Variants in NUBP1 observed in about 807,000 individuals in gnomAD.
NUBP1 encodes the protein NUBP iron-sulfur cluster assembly factor 1, cytosolic, also known as cytosolic Fe-S cluster assembly factor NUBP1.
Under a neutral mutation model 41.8 loss-of-function variants are expected in NUBP1, and 46 were observed. That is an observed-to-expected ratio of 1.10 (90% CI 0.87 to 1.41). The LOEUF is 1.41. NUBP1 is among the 40% of genes most tolerant of loss of function. NUBP1 has a pLI of 0.00. For missense variants in NUBP1, 494 were observed against 414.0 expected, an observed-to-expected ratio of 1.19 and a Z score of -1.68; for synonymous variants, 189 against 154.6, an observed-to-expected ratio of 1.22 and a Z score of -1.65.
intron 9 of NUBP1, among the ~76,000 whole-genome samples, chr16:10,764,043 CCAGCCCAAAGGAGCATCT>C (rs2030448187): frequency 2.0e-5 from 3 of 151,242 alleles, no homozygotes; most frequent in East Asian, 2.0e-4. Flanking sequence ...TGGGAGCATC[CCAGCCCAAAGGAGCATCT>C]CAGCCCACTG....
At chr16:10,754,239 T>TTTTATTTTATTTTATTTTA (rs1900451123) in intron 4 of NUBP1, among the ~76,000 whole-genome samples, 1 of 151,436 alleles carries the variant, frequency 6.6e-6, no homozygotes, top group African/African-American at 2.4e-5. Flanking sequence ...TTTTATTTTA[T>TTTTATTTTATTTTATTTTA]TTTATTTTAT....
chr16:10,761,823 C>A lies in NUBP1; in HGVS notation c.784C>A (p.Pro262Thr). The change falls in exon 9 of 11, where the codon CCT (proline) becomes ACT (threonine). Residue 262 changes from proline (P) to threonine (T), a missense_variant. By Grantham distance (38) the Pro-to-Thr change is conservative. Transcript: ENST00000283027. The stretch of plus-strand genomic sequence containing the variant: ...GCTCATGTGCCAGGACTTGGAGGTC[C>A]CTCTCCTCGGCAGAGTGCCCCTGGA... The part of the protein sequence containing the change: ...AELMCQDLEV[P>T]LLGRVPLDPL... 7 of 1,614,084 alleles carry A rather than the reference C, an allele frequency of 4.3e-6. No homozygotes were observed. Among genetic ancestry groups the A allele is most frequent in the Non-Finnish European group, 5.9e-6 (7 of 1,179,956 alleles).
rs1900509941 is a variant in NUBP1, at chr16:10,755,588, T to A, written c.328-133T>A. On this transcript the variant is annotated intron_variant, in intron 4 of 10. Coordinates refer to ENST00000283027, the MANE Select transcript of NUBP1 (RefSeq NM_002484.4). ...AGCTGTTCACCTCCTTTTAGGAATT[T>A]CGTGGTACCATGTAAGACAATGAAT... 3 of 882,888 alleles carry A rather than the reference T, an allele frequency of 3.4e-6. No homozygotes were observed. The Admixed American group carries it at 7.0e-5, about 21-fold the overall frequency. 54.7% of individuals were successfully genotyped at this position (882,888 alleles called of 1,614,324 possible).
intron 9 of NUBP1, among the ~76,000 whole-genome samples, chr16:10,762,298 C>T (rs577073469): frequency 1.2e-3 from 177 of 152,260 alleles, no homozygotes; most frequent in Admixed American, 4.4e-3. Flanking sequence ...TCTCCAGCAC[C>T]GGGACAGACC....
At chr16:10,746,990 C>G (rs4780323) in intron 2 of NUBP1, among the ~76,000 whole-genome samples, 153 bp from the exon 3 acceptor site, 42,576 of 152,012 alleles carry the variant, frequency 0.28, 6,904 homozygotes, top group East Asian at 0.49. Flanking sequence ...GCACTTATTT[C>G]TACCATTGTC....
At chr16:10,744,339 G>T (rs1044645433) in intron 2 of NUBP1, among the ~76,000 whole-genome samples, 1 of 152,176 alleles carries the variant, frequency 6.6e-6, no homozygotes, top group African/African-American at 2.4e-5. Flanking sequence ...GCGCGGAGTC[G>T]AAAGGGACAT....
At chr16:10,751,297 C>T (rs1345816753) in intron 3 of NUBP1, among the ~76,000 whole-genome samples, 2 of 152,164 alleles carry the variant, frequency 1.3e-5, no homozygotes, top group Non-Finnish European at 2.9e-5. Flanking sequence ...GTGATAGTGT[C>T]ATTTCCCCGT....
At position 10,767,449 on chromosome 16, in the gene NUBP1, G is replaced by A. The variant is rs529814893; in HGVS notation, c.821-500G>A. 3 of 398,718 alleles carry A rather than the reference G, an allele frequency of 7.5e-6. No individual in the cohort carries two copies. The highest frequency in any genetic ancestry group is 7.1e-5 in the East Asian group (2 of 28,018). The allele number at this position is 398,718 out of a possible 1,614,324, so 24.7% of individuals were successfully genotyped here. ...ATGTGTGTGTCATGTGCTCCCATTC[G>A]TATTTTAGGTATATGAGAGTGTGTG... is the stretch of plus-strand genomic sequence containing the variant. On this transcript the variant is annotated intron_variant, in intron 9 of 10. Coordinates refer to ENST00000283027, the MANE Select transcript of NUBP1 (RefSeq NM_002484.4). This position sits in a 1 kb window ranked among gnomAD's most constrained non-coding sequence, Gnocchi z 4.6.
chr16:10,754,488 C>A (rs540420637), intron 4 of NUBP1, among the ~76,000 whole-genome samples: 70 of 151,966 alleles, frequency 4.6e-4, no homozygotes, highest in African/African-American at 1.3e-3. Flanking sequence ...GGTGATCCTC[C>A]CGCCTCAGCC....
Position 10,765,386 on chromosome 16 carries a change from G to T in NUBP1, c.821-2563G>T, listed in dbSNP as rs1452906419. Among the ~76,000 whole-genome samples the T allele has an allele frequency of 6.6e-6, 1 of 151,000 alleles. No individual in the cohort carries two copies. Among genetic ancestry groups the T allele is most frequent in the Admixed American group, 6.6e-5 (1 of 15,124 alleles). On this transcript the variant is annotated intron_variant, in intron 9 of 10. Transcript: ENST00000283027. This position sits in a 1 kb window ranked among gnomAD's most constrained non-coding sequence, Gnocchi z 4.0. ...ACCCAGTGTGGTGGCATGTGCCTGT[G>T]GTCCCAGCTACTCAGGAGGCTGAGT...
chr16:10,744,053 A>C lies in NUBP1; in HGVS notation c.112A>C (p.Thr38Pro), dbSNP rs748563539. Residue 38 changes from threonine (T) to proline (P), a missense_variant, in exon 2 of 11, where the codon ACT becomes CCT. Coordinates refer to ENST00000283027, the MANE Select transcript of NUBP1 (RefSeq NM_002484.4). Reference protein sequence around the residue: ...QRLCASGAGATPDTAIEEIKE... With the variant: ...QRLCASGAGAPPDTAIEEIKE... ...GCTGTGCGCTTCTGGAGCGGGGGCC[A>C]CTCCGGACACGGGTGAGAAAAGGGC... 1.3e-6 allele frequency: 2 copies of C among 1,578,360 alleles called. No individual in the cohort carries two copies. Among genetic ancestry groups the C allele is most frequent in the Non-Finnish European group, 8.6e-7 (1 of 1,167,988 alleles).
rs2030918133 is a variant in NUBP1 at position 10,766,638 on chromosome 16, T to C, written c.821-1311T>C. ...TAACGGCGGAGGATGTCCAGGTTCT[T>C]GGTGTCTGGAACAAAAAATTGGACA... On this transcript the variant is annotated intron_variant, in intron 9 of 10. Coordinates refer to ENST00000283027, the MANE Select transcript of NUBP1 (RefSeq NM_002484.4). This position sits in a 1 kb window ranked among gnomAD's most constrained non-coding sequence, Gnocchi z 4.8. 1.3e-5 allele frequency: 3 copies of C among 237,358 alleles called. No homozygotes were observed. The highest frequency in any genetic ancestry group is 1.8e-4 in the South Asian group (1 of 5,556). The allele number at this position is 237,358 out of a possible 1,614,324, so 14.7% of individuals were successfully genotyped here. A position where few individuals can be genotyped will look rare whatever the true frequency, so the allele number is the denominator to read the frequency against.
rs777610049 is a variant in NUBP1 at position 10,761,414 on chromosome 16, G to A, written c.657G>A (p.Val219=). The A allele has an allele frequency of 2.5e-6, 4 of 1,614,024 alleles. No homozygotes were observed. The African/African-American group carries it at 5.3e-5, about 22-fold the overall frequency. The change falls in exon 8 of 11, where the codon GTG becomes GTA. Residue 219 remains valine, a synonymous_variant. Transcript: ENST00000283027. The part of the protein sequence containing the change: ...VRKEINFCRK[V]KLPIIGVVEN... ...AAGAAATCAACTTCTGCCGCAAGGT[G>A]AAGCTGCCCATCATCGGGGTGGTGG...
chr16:10,762,982 G>A (rs2030233487), intron 9 of NUBP1, among the ~76,000 whole-genome samples: 1 of 151,972 alleles, frequency 6.6e-6, no homozygotes, highest in Admixed American at 6.5e-5. Flanking sequence ...CTGGGATAGG[G>A]GTTCAGGATG....
At position 10,757,557 on chromosome 16, in the gene NUBP1, C is replaced by T. The variant is rs1900641102; in HGVS notation, c.452-316C>T. ...GCCTTTACCCACAAGATGCCAGTAG[C>T]ACCCCCTACTCTATTTGTGACAACC... On this transcript the variant is annotated intron_variant, in intron 6 of 10. Transcript: ENST00000283027. The surrounding 1 kb of genome is among the most constrained non-coding windows in gnomAD (Gnocchi z 4.1). 6.6e-6 allele frequency among the ~76,000 whole-genome samples: 1 copy of T among 152,150 alleles called. No homozygotes were observed. Among genetic ancestry groups the T allele is most frequent in the South Asian group, 2.1e-4 (1 of 4,830 alleles).
intron 3 of NUBP1, among the ~76,000 whole-genome samples, chr16:10,748,200 C>G (rs1900150696): frequency 6.6e-6 from 1 of 152,170 alleles, no homozygotes; most frequent in South Asian, 2.1e-4. Flanking sequence ...GTCCCCCTGC[C>G]TCGGCCTCCC....
intron 3 of NUBP1, among the ~76,000 whole-genome samples, chr16:10,748,023 T>C (rs1268333561): frequency 6.6e-6 from 1 of 152,144 alleles, no homozygotes; most frequent in African/African-American, 2.4e-5. Context: ...TCAGGACTCA[T>C]TGCAACCTCT....
At position 10,743,877 on chromosome 16, in the gene NUBP1, C is replaced by G. The variant is rs191155488; in HGVS notation, c.14C>G (p.Pro5Arg). The change falls in exon 1 of 11, where the codon CCT becomes CGT. Residue 5 changes from proline to arginine, a missense_variant. Coordinates refer to ENST00000283027, the MANE Select transcript of NUBP1 (RefSeq NM_002484.4). ...AAAGGCGACGGAATGGAGGAGGTGC[C>G]TCACGGTAAGCTCGCGGAGGGGGCG... MEEV[P>R]HDCPGADSAQ... 371 of 1,567,272 alleles carry G rather than the reference C, an allele frequency of 2.4e-4. No individual in the cohort carries two copies. The highest frequency in any genetic ancestry group is 3.3e-4 in the Middle Eastern group (2 of 5,990).
At chr16:10,758,546 T>A (rs533924127) in intron 7 of NUBP1, among the ~76,000 whole-genome samples, 7 of 152,318 alleles carry the variant, frequency 4.6e-5, no homozygotes, top group African/African-American at 1.7e-4. Flanking sequence ...CGATTTGGTT[T>A]TTTTTTAGTC....
Sources: gnomAD v4.1 joint callset for allele counts (sites outside exome capture counted in the v4.1 genomes callset) on GRCh38, gnomAD v4.1.1 for gene constraint, Gnocchi (gnomAD v3.1) non-coding constraint, MANE v1.5 for transcripts, NCBI Gene and HGNC (gene_info 2026-07-23, HGNC 2026-07-21) for gene names.